Variants in FRMD3 observed in about 807,000 individuals in gnomAD.
FRMD3 encodes FERM domain-containing protein 3.
A neutral mutation model predicts 70.2 loss-of-function variants in FRMD3; 33 were observed. The ratio of observed to expected loss-of-function variants is 0.47; its 90% confidence interval spans 0.36 to 0.63. FRMD3 has a LOEUF of 0.63. Ranked by LOEUF, FRMD3 falls within the 20% of genes least tolerant of loss-of-function variation. FRMD3 has a pLI of 0.00. For missense variants in FRMD3, 632 were observed against 711.4 expected, an observed-to-expected ratio of 0.89 and a Z score of 1.27; for synonymous variants, 279 against 255.9, an observed-to-expected ratio of 1.09 and a Z score of -0.86.
Position 83,538,278 on chromosome 9 carries a change from T to C in FRMD3, c.-47A>G, listed in dbSNP as rs1053918549. ...AGCGGGAGGCTCAGGGCCGGCGCGGTGCTCGCCTGCGCGGACACACACGCT... is the reference window on the plus strand; with the variant it reads ...AGCGGGAGGCTCAGGGCCGGCGCGGCGCTCGCCTGCGCGGACACACACGCT... On this transcript the variant is annotated 5_prime_UTR_variant, in exon 1 of 14. Coordinates refer to ENST00000304195, the MANE Select transcript of FRMD3 (RefSeq NM_174938.6). This position sits in a 1 kb window ranked among gnomAD's most constrained non-coding sequence, Gnocchi z 4.7. 1.3e-6 allele frequency: 2 copies of C among 1,519,360 alleles called. No individual in the cohort carries two copies. Among genetic ancestry groups the C allele is most frequent in the Non-Finnish European group, 1.8e-6 (2 of 1,132,966 alleles). 94.1% of individuals were successfully genotyped at this position (1,519,360 alleles called of 1,614,324 possible).
At chr9:83,349,066 C>G (rs1824056978) in intron 4 of FRMD3, among the ~76,000 whole-genome samples, 2 of 152,166 alleles carry the variant, frequency 1.3e-5, no homozygotes, top group Admixed American at 6.5e-5. Flanking sequence ...GCTCTCTCTC[C>G]CATCCTCCTA....
chr9:83,304,455 A>G (rs1835045433), intron 10 of FRMD3, among the ~76,000 whole-genome samples: 1 of 152,174 alleles, frequency 6.6e-6, no homozygotes, highest in South Asian at 2.1e-4. Flanking sequence ...TAGAATGCAC[A>G]TTTTAACCAG....
intron 1 of FRMD3, among the ~76,000 whole-genome samples, chr9:83,520,970 C>CAAAAA (rs144061788): frequency 3.2e-4 from 18 of 56,148 alleles, no homozygotes; most frequent in South Asian, 8.4e-4. Flanking sequence ...ACTAAAAATA[C>CAAAAA]AAAAAAAAAA....
At chr9:83,448,560 A>G (rs1390783662) in intron 1 of FRMD3, among the ~76,000 whole-genome samples, 1 of 152,194 alleles carries the variant, frequency 6.6e-6, no homozygotes, top group South Asian at 2.1e-4. Flanking sequence ...ACAGGTAGCA[A>G]GTCAGCACCA....
At chr9:83,393,345 C>A (rs1013257087) in intron 1 of FRMD3, among the ~76,000 whole-genome samples, 8 of 152,140 alleles carry the variant, frequency 5.3e-5, no homozygotes, top group Non-Finnish European at 1.2e-4. Context: ...ATGGACTATG[C>A]CAGAACATGA....
intron 13 of FRMD3, among the ~76,000 whole-genome samples, chr9:83,280,127 G>T (rs755532212): frequency 6.6e-6 from 1 of 152,144 alleles, no homozygotes; most frequent in Non-Finnish European, 1.5e-5. Context: ...GAGTGGAGAA[G>T]AAACTCAGAA....
Position 83,311,938 on chromosome 9 carries a change from G to C in FRMD3, c.722C>G (p.Ala241Gly), listed in dbSNP as rs772250679. The C allele has an allele frequency of 6.2e-7, 1 of 1,609,306 alleles. No individual in the cohort carries two copies. The highest frequency in any genetic ancestry group is 8.5e-7 in the Non-Finnish European group (1 of 1,178,622). ...TCCCTGAAAGACCACAAAGCCTGCA[G>C]CTGTGAATCCTAAAAATGTTGTTGT... is the stretch of plus-strand genomic sequence containing the variant. ...TGTTTFLGFTAAGFVVFQGNK... is the reference protein window; with the variant it reads ...TGTTTFLGFTGAGFVVFQGNK... Residue 241 changes from alanine to glycine, a missense_variant, in exon 8 of 14, where the codon GCT (alanine) becomes GGT (glycine). This residue lies in a region of FRMD3 where 418 missense variants were observed against 442.1 expected (regional missense o/e 0.95). Transcript: ENST00000304195.
At chr9:83,529,236 T>C (rs1177625591) in intron 1 of FRMD3, among the ~76,000 whole-genome samples, 1 of 152,184 alleles carries the variant, frequency 6.6e-6, no homozygotes, top group South Asian at 2.1e-4. Flanking sequence ...AAAGAGTTGC[T>C]TTTTTCAACA....
intron 1 of FRMD3, among the ~76,000 whole-genome samples, chr9:83,469,665 C>T (rs1457189667): frequency 6.6e-6 from 1 of 151,984 alleles, no homozygotes; most frequent in Non-Finnish European, 1.5e-5. Flanking sequence ...CAACAACGTC[C>T]TTTTTTATTT....
At chr9:83,368,544 T>C (rs1824864919) in intron 3 of FRMD3, among the ~76,000 whole-genome samples, 1 of 152,196 alleles carries the variant, frequency 6.6e-6, no homozygotes, top group African/African-American at 2.4e-5. Context: ...GACTTTGATT[T>C]AAGAAACATC....
chr9:83,485,169 A>G (rs1828660392), intron 1 of FRMD3, among the ~76,000 whole-genome samples: 1 of 152,150 alleles, frequency 6.6e-6, no homozygotes, highest in Non-Finnish European at 1.5e-5. Flanking sequence ...CAGACAACAA[A>G]CCTGAGTTAC....
chr9:83,320,128 C>G (rs981189667), intron 6 of FRMD3, among the ~76,000 whole-genome samples: 1 of 152,106 alleles, frequency 6.6e-6, no homozygotes, highest in African/African-American at 2.4e-5. Flanking sequence ...TTCCTTTTTT[C>G]CAACTTGGAT....
chr9:83,389,678 G>A lies in FRMD3; in HGVS notation c.178C>T (p.His60Tyr), dbSNP rs371319021. The A allele has an allele frequency of 6.8e-6, 11 of 1,613,696 alleles. No homozygotes were observed. Among genetic ancestry groups the A allele is most frequent in the Non-Finnish European group, 9.3e-6 (11 of 1,179,804 alleles). Reference protein sequence around the residue: ...RETKGQFLIDHICNYYSLLEK... With the variant: ...RETKGQFLIDYICNYYSLLEK... ...AGCAGGCTGTAGTAGTTGCAGATGT[G>A]GTCAATGAGAAACTGCCCTTTGGTT... Residue 60 changes from histidine to tyrosine, a missense_variant, in exon 2 of 14, where the codon CAC becomes TAC. Physicochemically the swap from His to Tyr is moderately conservative, Grantham distance 83. Transcript: ENST00000304195.
intron 1 of FRMD3, among the ~76,000 whole-genome samples, chr9:83,411,219 G>A (rs948823928): frequency 6.6e-6 from 1 of 152,098 alleles, no homozygotes; most frequent in African/African-American, 2.4e-5. Context: ...AGATAAGTTG[G>A]GGCTAACTAT....
upstream of FRMD3, among the ~76,000 whole-genome samples, chr9:83,538,719 C>T (rs978312603): frequency 6.6e-6 from 1 of 152,224 alleles, no homozygotes; most frequent in African/African-American, 2.4e-5. The surrounding 1 kb of genome is among the most constrained non-coding windows in gnomAD (Gnocchi z 4.7). Flanking sequence ...TGGCCGCTGT[C>T]GCTCGGGCTC....
chr9:83,246,604 A>C lies in FRMD3; in HGVS notation c.*1314T>G, dbSNP rs1256489135. On this transcript the variant is annotated 3_prime_UTR_variant, in exon 14 of 14. Coordinates refer to ENST00000304195, the MANE Select transcript of FRMD3 (RefSeq NM_174938.6). ...GGAAAGGAGTATAATGACCACCGCAAAACATGATCATGGACATGTATCAAA... is the reference window on the plus strand; with the variant it reads ...GGAAAGGAGTATAATGACCACCGCACAACATGATCATGGACATGTATCAAA... 1 of 984,834 alleles carries C rather than the reference A, an allele frequency of 1.0e-6. No homozygotes were observed. The highest frequency in any genetic ancestry group is 6.2e-5 in the Admixed American group (1 of 16,224). The allele number at this position is 984,834 out of a possible 1,614,324, so 61.0% of individuals were successfully genotyped here.
intron 1 of FRMD3, among the ~76,000 whole-genome samples, chr9:83,496,141 A>G (rs990379118): frequency 3.3e-5 from 5 of 152,362 alleles, no homozygotes; most frequent in African/African-American, 1.2e-4. Context: ...TAAAATTATT[A>G]TAAGTGACAC....
At chr9:83,389,001 A>G (rs1292857509) in intron 2 of FRMD3, among the ~76,000 whole-genome samples, 1 of 130,270 alleles carries the variant, frequency 7.7e-6, no homozygotes, top group Non-Finnish European at 1.5e-5. Flanking sequence ...GCTGGAGTGT[A>G]GTAGCCCCAT....
rs907051151 is a variant in FRMD3, at chr9:83,304,974, C to A, written c.926+4562G>T. On this transcript the variant is annotated intron_variant, in intron 10 of 13. Coordinates refer to ENST00000304195, the MANE Select transcript of FRMD3 (RefSeq NM_174938.6). ...CAGGGCTTTCAAAACAGATCTGTGGCCCTGGGCCAGCTGACAACCAGCAGC... is the reference window on the plus strand; with the variant it reads ...CAGGGCTTTCAAAACAGATCTGTGGACCTGGGCCAGCTGACAACCAGCAGC... Among the ~76,000 whole-genome samples the A allele has an allele frequency of 2.6e-5, 4 of 152,184 alleles. No individual in the cohort carries two copies. In the South Asian group the frequency reaches 6.2e-4, roughly 24 times the overall value.
Sources: allele counts gnomAD v4.1 joint callset (sites outside exome capture counted in the v4.1 genomes callset), GRCh38; gene constraint gnomAD v4.1.1; regional missense constraint gnomAD v4.1.1; non-coding constraint Gnocchi (gnomAD v3.1); transcripts MANE v1.5; gene names NCBI Gene and HGNC (gene_info 2026-07-23, HGNC 2026-07-21).